The following RERE variants were observed in gnomAD, a reference collection of about 807,000 sequenced individuals.
The protein encoded by RERE is arginine-glutamic acid dipeptide repeats, also known as arginine-glutamic acid dipeptide repeats protein.
Under a neutral mutation model 146.1 loss-of-function variants are expected in RERE, and 40 were observed. That is an observed-to-expected ratio of 0.27 (90% CI 0.21 to 0.36). RERE has a LOEUF of 0.36. RERE is among the 10% of genes least tolerant of loss of function. The pLI is 1.00. For synonymous variants in RERE, 1,003 were observed against 866.0 expected, an observed-to-expected ratio of 1.16 and a Z score of -2.78; for missense variants, 1,933 against 2,138.7, an observed-to-expected ratio of 0.90 and a Z score of 1.90.
chr1:8,500,900 C>A (rs1415919187), intron 8 of RERE, among the ~76,000 whole-genome samples: 1 of 151,788 alleles, frequency 6.6e-6, no homozygotes, highest in African/African-American at 2.4e-5. Flanking sequence ...TGCCTGGCCG[C>A]CCCGTCTGAG....
intron 7 of RERE, among the ~76,000 whole-genome samples, chr1:8,516,227 G>GAAAAAAAAAAAAAGAAA (rs1645414260): frequency 1.9e-5 from 1 of 52,304 alleles, no homozygotes. Context: ...TCTCTCAGAG[G>GAAAAAAAAAAAAAGAAA]AAAAAAAAAA....
intron 1 of RERE, among the ~76,000 whole-genome samples, chr1:8,663,529 C>A (rs2124353147): frequency 6.6e-6 from 1 of 152,300 alleles, no homozygotes; most frequent in South Asian, 2.1e-4. Context: ...CAGATGAATA[C>A]AACTGCTTTC....
intron 8 of RERE, 27 bp downstream of exon 8, chr1:8,508,600 T>G (rs1296337004): frequency 1.3e-6 from 2 of 1,568,486 alleles, no homozygotes; most frequent in Non-Finnish European, 1.8e-6. Context: ...AAAAACCTAT[T>G]AAGGAAGCTA....
chr1:8,408,093 T>C (rs967663183), intron 12 of RERE, among the ~76,000 whole-genome samples: 8 of 152,022 alleles, frequency 5.3e-5, no homozygotes, highest in African/African-American at 1.9e-4. Flanking sequence ...AGGGAGAACA[T>C]AGCTTCCCCT....
At chr1:8,497,983 G>C (rs1645067902) in intron 8 of RERE, among the ~76,000 whole-genome samples, 1 of 152,204 alleles carries the variant, frequency 6.6e-6, no homozygotes, top group East Asian at 1.9e-4. Context: ...TATCCTATTA[G>C]AATAGTGTTA....
At chr1:8,409,794 G>A (rs1283909694) in intron 12 of RERE, among the ~76,000 whole-genome samples, 2 of 152,088 alleles carry the variant, frequency 1.3e-5, no homozygotes. Context: ...ACAAGTTCCT[G>A]GGGAGGGCCT....
intron 12 of RERE, among the ~76,000 whole-genome samples, chr1:8,412,667 TATAA>T (rs1222792861): frequency 6.6e-6 from 1 of 152,232 alleles, no homozygotes; most frequent in Non-Finnish European, 1.5e-5. Flanking sequence ...ATTTCAATCT[TATAA>T]ATAATCTAGA....
At chr1:8,783,798 C>G (rs1369920130) in intron 1 of RERE, among the ~76,000 whole-genome samples, 1 of 152,158 alleles carries the variant, frequency 6.6e-6, no homozygotes, top group Non-Finnish European at 1.5e-5. Flanking sequence ...AGCCCCTTAC[C>G]GGTGAACATC....
chr1:8,771,840 G>A lies in RERE; in HGVS notation c.-145+45320C>T, dbSNP rs573516216. ...CAGGAGAATGGCATGAACCCGGGAG[G>A]CGGAGCTTGCAGTGACCGGAGATCA... On this transcript the variant is annotated intron_variant, in intron 1 of 22. Transcript: ENST00000400908. 4.0e-5 allele frequency among the ~76,000 whole-genome samples: 6 copies of A among 150,018 alleles called. No homozygotes were observed. The South Asian group carries it at 1.3e-3, about 32-fold the overall frequency.
chr1:8,802,861 T>G (rs1641613169), intron 1 of RERE, among the ~76,000 whole-genome samples: 2 of 152,154 alleles, frequency 1.3e-5, no homozygotes, highest in South Asian at 4.1e-4. Context: ...TTCATTTGAA[T>G]TAGGTCTTGT....
rs1355359320 is a variant in RERE, at chr1:8,423,472, C to T, written c.1204-665G>A. 2 of 923,122 alleles carry T rather than the reference C, an allele frequency of 2.2e-6. No homozygotes were observed. The highest frequency in any genetic ancestry group is 2.6e-6 in the Non-Finnish European group (2 of 772,826). The allele number at this position is 923,122 out of a possible 1,614,324, so 57.2% of individuals were successfully genotyped here. A position where few individuals can be genotyped will look rare whatever the true frequency, so the allele number is the denominator to read the frequency against. On this transcript the variant is annotated intron_variant, in intron 11 of 22. Coordinates refer to ENST00000400908, the MANE Select transcript of RERE (RefSeq NM_001042681.2). The surrounding 1 kb of genome is among the most constrained non-coding windows in gnomAD (Gnocchi z 5.4). ...ATTTTCGCAGCAGACTCGTCCCTAA[C>T]CCCAGCCCGGAGACTTTCACTTTGT... is the stretch of plus-strand genomic sequence containing the variant.
intron 1 of RERE, among the ~76,000 whole-genome samples, chr1:8,688,605 T>C (rs192774130): frequency 6.6e-6 from 1 of 151,844 alleles, no homozygotes; most frequent in Non-Finnish European, 1.5e-5. Context: ...TAGCCAGGCA[T>C]AGTGGCACAC....
chr1:8,482,681 CAAAAAAAA>C (rs35501735), intron 10 of RERE, among the ~76,000 whole-genome samples: 166 of 51,232 alleles, frequency 3.2e-3, no homozygotes, highest in Non-Finnish European at 5.0e-3. Flanking sequence ...GATTCTGTTG[CAAAAAAAA>C]AAAAAAAAAA....
chr1:8,561,633 C>T (rs542077126), intron 4 of RERE, among the ~76,000 whole-genome samples: 12 of 152,312 alleles, frequency 7.9e-5, no homozygotes, highest in African/African-American at 2.9e-4. Context: ...GGGAGAATCT[C>T]TAATTTTTTC....
intron 4 of RERE, among the ~76,000 whole-genome samples, chr1:8,564,435 G>C (rs1428353153): frequency 6.6e-6 from 1 of 152,106 alleles, no homozygotes; most frequent in Non-Finnish European, 1.5e-5. Flanking sequence ...TATGCAGCCT[G>C]TCACAAAGGT....
At chr1:8,531,052 TCTATCTATCTATCTATCTAA>T (rs1400010759) in intron 7 of RERE, among the ~76,000 whole-genome samples, 52 of 149,682 alleles carry the variant, frequency 3.5e-4, no homozygotes, top group African/African-American at 1.3e-3. Flanking sequence ...TATCTATCTA[TCTATCTATCTATCTATCTAA>T]CTTTCTATCT....
chr1:8,659,228 A>G (rs1237159372), intron 1 of RERE, among the ~76,000 whole-genome samples: 1 of 152,192 alleles, frequency 6.6e-6, no homozygotes, highest in Admixed American at 6.5e-5. Context: ...GACAAGTCTT[A>G]AGTTTAGAGC....
chr1:8,782,401 C>T (rs888360381), intron 1 of RERE, among the ~76,000 whole-genome samples: 2 of 152,048 alleles, frequency 1.3e-5, no homozygotes, highest in South Asian at 2.1e-4. Context: ...CCCTGGACTT[C>T]GTCCTTGAAC....
At chr1:8,561,104 C>T (rs781273146) in intron 4 of RERE, among the ~76,000 whole-genome samples, 2 of 152,148 alleles carry the variant, frequency 1.3e-5, no homozygotes, top group Non-Finnish European at 2.9e-5. Flanking sequence ...TGTAGGAATA[C>T]CTACTGATTA....
Sources: allele counts gnomAD v4.1 joint callset (sites outside exome capture counted in the v4.1 genomes callset), GRCh38; gene constraint gnomAD v4.1.1; non-coding constraint Gnocchi (gnomAD v3.1); transcripts MANE v1.5; gene names NCBI Gene and HGNC (gene_info 2026-07-23, HGNC 2026-07-21).